The following YWHAE variants were observed in gnomAD, a reference collection of about 807,000 sequenced individuals.
YWHAE encodes the protein 14-3-3 protein epsilon.
Under a neutral mutation model 30.1 loss-of-function variants are expected in YWHAE, and 4 were observed. The observed-to-expected ratio is 0.13, with a 90% CI of 0.07 to 0.30. YWHAE has a LOEUF of 0.30. YWHAE is among the 10% of genes least tolerant of loss of function. The pLI, the probability that YWHAE is intolerant of heterozygous loss-of-function variation, is 1.00. For synonymous variants in YWHAE, 118 were observed against 111.8 expected, an observed-to-expected ratio of 1.06 and a Z score of -0.35; for missense variants, 121 against 315.9, an observed-to-expected ratio of 0.38 and a Z score of 4.68.
intron 1 of YWHAE, among the ~76,000 whole-genome samples, chr17:1,392,837 G>A (rs1416728369): frequency 8.6e-5 from 13 of 150,650 alleles, no homozygotes. Flanking sequence ...ATGACAAGAG[G>A]GAAAATCCAT....
At chr17:1,387,131 A>AG (rs1391491434) in intron 1 of YWHAE, among the ~76,000 whole-genome samples, 3 of 152,240 alleles carry the variant, frequency 2.0e-5, no homozygotes, top group Non-Finnish European at 4.4e-5. Context: ...CTCAATATTT[A>AG]GGGCAGGGTT....
chr17:1,361,498 T>A (rs1047565018), intron 3 of YWHAE, among the ~76,000 whole-genome samples, 200 bp from the exon 4 acceptor site: 3 of 152,126 alleles, frequency 2.0e-5, no homozygotes, highest in African/African-American at 7.2e-5. Context: ...TTCATATTAC[T>A]AAATATAAGC....
chr17:1,375,823 T>C (rs902967620), intron 1 of YWHAE, among the ~76,000 whole-genome samples: 3 of 152,222 alleles, frequency 2.0e-5, no homozygotes, highest in Admixed American at 1.3e-4. Flanking sequence ...TAACTGAGGT[T>C]TGGTTTGTGG....
At chr17:1,373,172 G>A (rs2073067045) in intron 1 of YWHAE, among the ~76,000 whole-genome samples, 1 of 151,834 alleles carries the variant, frequency 6.6e-6, no homozygotes, top group African/African-American at 2.4e-5. Context: ...GAACTCAGGA[G>A]GCGGAACTTG....
At chr17:1,359,812 T>TCGTGTG (rs1555640505) in intron 4 of YWHAE, among the ~76,000 whole-genome samples, 26 of 130,720 alleles carry the variant, frequency 2.0e-4, no homozygotes, top group African/African-American at 7.1e-4. Flanking sequence ...CACTAAATTG[T>TCGTGTG]TGTGTGTGTG....
intron 5 of YWHAE, among the ~76,000 whole-genome samples, chr17:1,351,107 T>C (rs1027227771): frequency 6.6e-6 from 1 of 151,590 alleles, no homozygotes; most frequent in Non-Finnish European, 1.5e-5. Flanking sequence ...ACACCTGTAA[T>C]CCCAGCGCTT....
intron 1 of YWHAE, among the ~76,000 whole-genome samples, chr17:1,395,648 T>A (rs1047738587): frequency 2.0e-5 from 3 of 149,052 alleles, no homozygotes; most frequent in African/African-American, 7.8e-5. Context: ...TGGCCTACAG[T>A]CAAAGAACTG....
chr17:1,387,871 C>T (rs1390634973), intron 1 of YWHAE, among the ~76,000 whole-genome samples: 2 of 150,436 alleles, frequency 1.3e-5, no homozygotes, highest in Admixed American at 6.6e-5. Flanking sequence ...GGTGATCCAC[C>T]CTTCTTGGCC....
intron 1 of YWHAE, among the ~76,000 whole-genome samples, chr17:1,384,066 C>T (rs915261748): frequency 2.6e-5 from 4 of 152,054 alleles, no homozygotes; most frequent in South Asian, 2.1e-4. Flanking sequence ...ATTAGCCACG[C>T]GTTAAGCAGG....
At chr17:1,349,956 G>A (rs1203031387) in intron 5 of YWHAE, among the ~76,000 whole-genome samples, 4 of 69,822 alleles carry the variant, frequency 5.7e-5, no homozygotes, top group African/African-American at 4.6e-4. Flanking sequence ...GTATTACCCT[G>A]TATTTTTTTT....
In YWHAE at chr17:1,364,665, G is replaced by C; in HGVS notation, c.264+194C>G. On this transcript the variant is annotated intron_variant, in intron 2 of 5. Coordinates refer to ENST00000264335, the MANE Select transcript of YWHAE (RefSeq NM_006761.5). ...AAATACCAAACCTGATACAGACTAT[G>C]TTTTGTCCTCATGCATAGCCACGGG... The C allele has an allele frequency of 4.5e-6, 3 of 670,562 alleles. No individual in the cohort carries two copies. In the South Asian group the frequency reaches 5.9e-5, roughly 13 times the overall value. 41.5% of individuals were successfully genotyped at this position (670,562 alleles called of 1,614,324 possible). A position where few individuals can be genotyped will look rare whatever the true frequency, so the allele number is the denominator to read the frequency against.
intron 2 of YWHAE, among the ~76,000 whole-genome samples, chr17:1,363,147 T>C (rs565850901): frequency 5.1e-4 from 77 of 152,336 alleles, no homozygotes; most frequent in African/African-American, 1.8e-3. Flanking sequence ...TGCTGCTCCA[T>C]ACTAGAAGTC....
At chr17:1,356,363 CAAA>C (rs1748110279) in intron 4 of YWHAE, among the ~76,000 whole-genome samples, 2 of 152,044 alleles carry the variant, frequency 1.3e-5, no homozygotes, top group African/African-American at 2.4e-5. Flanking sequence ...AGCACAAAAA[CAAA>C]AGAAGAAGAA....
rs1210463760 is a variant in YWHAE, at chr17:1,364,086, C to CT, written c.264+772dup. On this transcript the variant is annotated intron_variant, in intron 2 of 5. Coordinates refer to ENST00000264335, the MANE Select transcript of YWHAE (RefSeq NM_006761.5). ...CTGCATTACAGTGATGGCTGTCCAA[C>CT]TTTTTTTTAACAAGACCTACAATAA... is the stretch of plus-strand genomic sequence containing the variant. Among the ~76,000 whole-genome samples, 10 of 151,980 alleles carry CT rather than the reference C, an allele frequency of 6.6e-5. No homozygotes were observed. The East Asian group carries it at 1.7e-3, about 26-fold the overall frequency.
At chr17:1,355,129 A>C (rs1296805022) in intron 4 of YWHAE, among the ~76,000 whole-genome samples, 38 of 99,304 alleles carry the variant, frequency 3.8e-4, no homozygotes, top group Admixed American at 8.0e-4. Flanking sequence ...AAAAAAAAAA[A>C]AAAAAAAAAA....
chr17:1,395,545 G>C (rs993451143), intron 1 of YWHAE, among the ~76,000 whole-genome samples: 1 of 152,004 alleles, frequency 6.6e-6, no homozygotes, highest in Non-Finnish European at 1.5e-5. Flanking sequence ...TTAACACTAC[G>C]TTACTCAGTT....
At chr17:1,361,359 GA>G (rs895708548) in intron 3 of YWHAE, 61 bp from the exon 4 acceptor site, 2 of 1,376,384 alleles carry the variant, frequency 1.5e-6, no homozygotes, top group African/African-American at 3.0e-5. Context: ...ATTTTTAAAG[GA>G]AAATAAGCTA....
intron 1 of YWHAE, among the ~76,000 whole-genome samples, chr17:1,389,061 G>A (rs1199307880): frequency 2.0e-5 from 3 of 152,072 alleles, no homozygotes; most frequent in Non-Finnish European, 4.4e-5. Context: ...GACCTCCCGG[G>A]CTCAAGAAAT....
chr17:1,354,745 C>A (rs2072699348), intron 4 of YWHAE, among the ~76,000 whole-genome samples: 1 of 151,992 alleles, frequency 6.6e-6, no homozygotes, highest in Non-Finnish European at 1.5e-5. Flanking sequence ...TCACTGCAAG[C>A]TTCGCCTCTC....
Sources: gnomAD v4.1 joint callset for allele counts (sites outside exome capture counted in the v4.1 genomes callset) on GRCh38, gnomAD v4.1.1 for gene constraint, MANE v1.5 for transcripts, NCBI Gene and HGNC (gene_info 2026-07-23, HGNC 2026-07-21) for gene names.